RHOG: variants seen among roughly 807,000 people sequenced by gnomAD.
The protein encoded by RHOG is ras homolog family member G.
Under a neutral mutation model 12.3 loss-of-function variants are expected in RHOG, and 1 was observed. That is an observed-to-expected ratio of 0.08 (90% confidence interval 0.03 to 0.39). RHOG has a LOEUF of 0.39. Ranked by LOEUF, RHOG falls within the 10% of genes least tolerant of loss-of-function variation. The pLI, the probability that RHOG is intolerant of heterozygous loss-of-function variation, is 0.99. For missense variants in RHOG, 114 were observed against 266.2 expected (o/e 0.43, Z 3.98); for synonymous variants, 129 against 116.0 (o/e 1.11, Z -0.72).
At chr11:3,836,938 C>T (rs1354661242) in intron 1 of RHOG, among the ~76,000 whole-genome samples, 17 of 114,212 alleles carry the variant, frequency 1.5e-4, no homozygotes, top group African/African-American at 6.3e-4. Flanking sequence ...AAAAGCTGAG[C>T]CTCAGGACCA....
At chr11:3,836,034 G>C (rs2090153537) in intron 1 of RHOG, among the ~76,000 whole-genome samples, 2 of 145,290 alleles carry the variant, frequency 1.4e-5, no homozygotes, top group Admixed American at 7.1e-5. Flanking sequence ...GAACCCAAGA[G>C]AGCCCAGTTC....
Position 3,835,793 on chromosome 11 carries a change from G to T in RHOG, c.-69+5101C>A, listed in dbSNP as rs544689478. Among the ~76,000 whole-genome samples, 8 of 152,310 alleles carry T rather than the reference G, an allele frequency of 5.3e-5. No individual in the cohort carries two copies. The South Asian group carries it at 1.7e-3, about 32-fold the overall frequency. On this transcript the variant is annotated intron_variant, in intron 1 of 1. Coordinates refer to ENST00000351018, the MANE Select transcript of RHOG (RefSeq NM_001665.4). ...CCGAGGACCCTTGGTCAAAGACATG[G>T]CAAGGGACAGGGGCACTGTTGGAAA...
At chr11:3,833,065 A>C (rs1393346122) in intron 1 of RHOG, among the ~76,000 whole-genome samples, 1 of 152,152 alleles carries the variant, frequency 6.6e-6, no homozygotes, top group African/African-American at 2.4e-5. Context: ...CAAAAAAAAA[A>C]AAAGTTATTT....
intron 1 of RHOG, among the ~76,000 whole-genome samples, chr11:3,829,240 A>C (rs907669557): frequency 2.0e-5 from 3 of 148,530 alleles, no homozygotes; most frequent in Non-Finnish European, 4.4e-5. Context: ...GTATTCTGGC[A>C]ATGGGGAAAT....
intron 1 of RHOG, chr11:3,837,780 G>A (rs1240084805): frequency 6.6e-6 from 1 of 152,190 alleles, no homozygotes; most frequent in Non-Finnish European, 1.5e-5. Context: ...TTCAGAAAAT[G>A]GGCCAAAGGG....
intron 1 of RHOG, among the ~76,000 whole-genome samples, chr11:3,835,580 C>T (rs74050302): frequency 0.013 from 2,040 of 152,288 alleles, 64 homozygotes; most frequent in African/African-American, 0.047. Flanking sequence ...CCAGAAGACA[C>T]AAGACATAAG....
rs911202636 is a variant in RHOG, at chr11:3,832,292, A to G, written c.-68-4086T>C. Among the ~76,000 whole-genome samples the G allele has an allele frequency of 2.6e-5, 4 of 152,322 alleles. 1 individual carries two copies. Among genetic ancestry groups the G allele is most frequent in the African/African-American group, 9.6e-5 (4 of 41,570 alleles). ...AATTCAGAACAGTAAAAGTAACTCAACATCACACAGCTAGTTAGTGTGGGA... is the reference window on the plus strand; with the variant it reads ...AATTCAGAACAGTAAAAGTAACTCAGCATCACACAGCTAGTTAGTGTGGGA... On this transcript the variant is annotated intron_variant, in intron 1 of 1. Coordinates refer to ENST00000351018, the MANE Select transcript of RHOG (RefSeq NM_001665.4).
rs1013558993 is a variant in RHOG at position 3,827,500 on chromosome 11, C to T, written c.*63G>A. On this transcript the variant is annotated 3_prime_UTR_variant, in exon 2 of 2. Transcript: ENST00000351018. This position sits in a 1 kb window ranked among gnomAD's most constrained non-coding sequence, Gnocchi z 7.3. ...GTCCTTAAGGCACAGCTGAGGCGGA[C>T]AAGGCACCAAGGCACAACTGGTGGG... 4.0e-5 allele frequency: 55 copies of T among 1,376,762 alleles called. No homozygotes were observed. The Middle Eastern group carries it at 5.4e-4, about 14-fold the overall frequency. The allele number at this position is 1,376,762 out of a possible 1,614,324, so 85.3% of individuals were successfully genotyped here.
At chr11:3,831,678 G>A (rs1453812100) in intron 1 of RHOG, among the ~76,000 whole-genome samples, 1 of 152,242 alleles carries the variant, frequency 6.6e-6, no homozygotes, top group African/African-American at 2.4e-5. Context: ...TGTTACAAGA[G>A]CACTAGGTGG....
At chr11:3,839,906 A>G (rs2090180626) in intron 1 of RHOG, among the ~76,000 whole-genome samples, 1 of 152,122 alleles carries the variant, frequency 6.6e-6, no homozygotes, top group Non-Finnish European at 1.5e-5. Context: ...CAAGACGAAC[A>G]TGGGGCAGGG....
intron 1 of RHOG, among the ~76,000 whole-genome samples, chr11:3,838,564 T>C: frequency 6.6e-6 from 1 of 152,116 alleles, no homozygotes; most frequent in East Asian, 1.9e-4. Flanking sequence ...CAAACTTCTG[T>C]ACCTCCAAGA....
intron 1 of RHOG, among the ~76,000 whole-genome samples, chr11:3,838,128 T>C (rs570648426): frequency 6.6e-6 from 1 of 152,354 alleles, no homozygotes; most frequent in South Asian, 2.1e-4. Flanking sequence ...AGAAGGAGTC[T>C]TCAGTGTGGG....
chr11:3,839,488 ACACAC>A (rs2090177487), intron 1 of RHOG, among the ~76,000 whole-genome samples: 1 of 13,168 alleles, frequency 7.6e-5, no homozygotes, highest in Non-Finnish European at 1.4e-4. Context: ...GCGCGCGAAC[ACACAC>A]ACACACACAC....
chr11:3,836,626 T>C (rs2090158253), intron 1 of RHOG, among the ~76,000 whole-genome samples: 1 of 150,928 alleles, frequency 6.6e-6, no homozygotes, highest in Non-Finnish European at 1.5e-5. Flanking sequence ...CAGCTGGGCA[T>C]GGTGGCTCAC....
intron 1 of RHOG, 120 bp from the exon 2 acceptor site, chr11:3,828,326 G>A (rs1024078519): frequency 6.7e-6 from 4 of 600,160 alleles, no homozygotes; most frequent in Non-Finnish European, 1.2e-5. Context: ...CTATCCCAAA[G>A]TCCCATCAAG....
intron 1 of RHOG, among the ~76,000 whole-genome samples, chr11:3,840,343 C>T (rs1225100288): frequency 1.3e-5 from 2 of 152,022 alleles, no homozygotes; most frequent in Non-Finnish European, 2.9e-5. Flanking sequence ...CCCCACCCAA[C>T]CCGGGTCCTC....
At chr11:3,834,332 G>A (rs2090145153) in intron 1 of RHOG, among the ~76,000 whole-genome samples, 1 of 152,000 alleles carries the variant, frequency 6.6e-6, no homozygotes, top group South Asian at 2.1e-4. Flanking sequence ...GGCTTCTCTG[G>A]ACTAAATGAC....
At chr11:3,828,747 A>T (rs2090105434) in intron 1 of RHOG, among the ~76,000 whole-genome samples, 1 of 150,030 alleles carries the variant, frequency 6.7e-6, no homozygotes, top group Non-Finnish European at 1.5e-5. Context: ...CAGCCTCTCG[A>T]GTAGCTGGGA....
rs559627606 is a variant in RHOG, at chr11:3,834,824, G to GTGA, written c.-69+6067_-69+6069dup. On this transcript the variant is annotated intron_variant, in intron 1 of 1. Transcript: ENST00000351018. The stretch of plus-strand genomic sequence containing the variant: ...TCTTAAAAGATAGGCGAGTATGGAG[G>GTGA]TGATGGGAACTTACCTCAGCCTTCT... 7.7e-4 allele frequency among the ~76,000 whole-genome samples: 117 copies of GTGA among 152,292 alleles called. 1 individual carries two copies. Among genetic ancestry groups the GTGA allele is most frequent in the African/African-American group, 2.7e-3 (113 of 41,580 alleles).
Sources: allele counts gnomAD v4.1 joint callset (sites outside exome capture counted in the v4.1 genomes callset), GRCh38; gene constraint gnomAD v4.1.1; non-coding constraint Gnocchi (gnomAD v3.1); transcripts MANE v1.5; gene names NCBI Gene and HGNC (gene_info 2026-07-23, HGNC 2026-07-21).